Variants in KCNH1 observed in about 807,000 individuals in gnomAD.
The protein encoded by KCNH1 is potassium voltage-gated channel subfamily H member 1, also known as voltage-gated delayed rectifier potassium channel KCNH1.
A neutral mutation model predicts 69.2 loss-of-function variants in KCNH1; 27 were observed. The observed-to-expected ratio is 0.39, with a 90% CI of 0.29 to 0.54. The LOEUF (loss-of-function observed/expected upper bound fraction) is 0.54, where lower values mean the gene tolerates loss of function less well. KCNH1 is among the 20% of genes least tolerant of loss of function. KCNH1 has a pLI of 0.68. For synonymous variants in KCNH1, 456 were observed against 487.7 expected, an observed-to-expected ratio of 0.93 and a Z score of 0.86; for missense variants, 798 against 1,261.6, an observed-to-expected ratio of 0.63 and a Z score of 5.57.
intron 5 of KCNH1, among the ~76,000 whole-genome samples, chr1:211,066,773 T>C (rs1435703325): frequency 6.6e-6 from 1 of 152,202 alleles, no homozygotes; most frequent in Non-Finnish European, 1.5e-5. Context: ...CCAAATAGAC[T>C]GTAACCTTTA....
At chr1:210,806,821 A>AT (rs1558477745) in intron 7 of KCNH1, among the ~76,000 whole-genome samples, 449 of 41,380 alleles carry the variant, frequency 0.011, 18 homozygotes, top group South Asian at 0.031. Context: ...AAAAAAAAAA[A>AT]AAAAAAAAAA....
chr1:210,794,165 G>A (rs1487508005), intron 9 of KCNH1, among the ~76,000 whole-genome samples: 1 of 152,206 alleles, frequency 6.6e-6, no homozygotes, highest in Non-Finnish European at 1.5e-5. Flanking sequence ...CTGAATTTAA[G>A]TTTCCAGGGA....
chr1:210,905,009 C>A (rs1204261438), intron 7 of KCNH1, among the ~76,000 whole-genome samples: 2 of 152,260 alleles, frequency 1.3e-5, no homozygotes, highest in South Asian at 4.2e-4. Context: ...ATCTTGACCT[C>A]CCTCATGACT....
chr1:210,718,175 CATA>C (rs1040872099), intron 10 of KCNH1, among the ~76,000 whole-genome samples: 13 of 145,366 alleles, frequency 8.9e-5, no homozygotes, highest in South Asian at 2.2e-4. Context: ...TTTTATTTAA[CATA>C]ATATGTCCAA....
intron 1 of KCNH1, chr1:211,108,742 C>G (rs1309068111): frequency 1.3e-5 from 2 of 152,202 alleles, no homozygotes; most frequent in African/African-American, 4.8e-5. Context: ...TTAAAAGGAA[C>G]AGAAAATACA....
At chr1:210,885,984 ACTC>A (rs775617069) in intron 7 of KCNH1, among the ~76,000 whole-genome samples, 1 of 151,628 alleles carries the variant, frequency 6.6e-6, no homozygotes, top group Non-Finnish European at 1.5e-5. Context: ...AGACTTAAAC[ACTC>A]CTGCCTGCTG....
At chr1:210,755,742 A>C (rs773164131) in intron 10 of KCNH1, among the ~76,000 whole-genome samples, 8 of 152,114 alleles carry the variant, frequency 5.3e-5, no homozygotes, top group Non-Finnish European at 1.0e-4. Flanking sequence ...TTCTCAGTGC[A>C]CCTTTCTTTC....
intron 7 of KCNH1, chr1:210,859,019 GT>G: frequency 1.7e-6 from 1 of 581,428 alleles, no homozygotes. Flanking sequence ...GCATGATCAG[GT>G]CCCATCTCCT....
intron 5 of KCNH1, among the ~76,000 whole-genome samples, chr1:211,035,578 G>A (rs896015377): frequency 6.6e-6 from 1 of 152,150 alleles, no homozygotes; most frequent in African/African-American, 2.4e-5. Flanking sequence ...CAGGATAAAT[G>A]TGAGACATTC....
At chr1:210,923,123 T>C (rs759631656) in intron 6 of KCNH1, among the ~76,000 whole-genome samples, 1 of 152,194 alleles carries the variant, frequency 6.6e-6, no homozygotes, top group East Asian at 1.9e-4. Flanking sequence ...ACCTGGAATA[T>C]GGAATAGGGA....
intron 7 of KCNH1, among the ~76,000 whole-genome samples, chr1:210,916,049 C>A (rs530453969): frequency 1.3e-5 from 2 of 152,036 alleles, no homozygotes; most frequent in African/African-American, 4.8e-5. Flanking sequence ...GAGACAACAC[C>A]GAGCCTTTGG....
intron 10 of KCNH1, among the ~76,000 whole-genome samples, chr1:210,770,562 C>A (rs1035897357): frequency 6.6e-6 from 1 of 152,196 alleles, no homozygotes; most frequent in African/African-American, 2.4e-5. Context: ...ATAGCATGGC[C>A]GGGTTAACCC....
chr1:211,039,208 C>A (rs762495753), intron 5 of KCNH1, among the ~76,000 whole-genome samples: 1 of 152,240 alleles, frequency 6.6e-6, no homozygotes, highest in African/African-American at 2.4e-5. Flanking sequence ...CAAGCCTTAG[C>A]AGCTTCCACA....
rs534109025 is a variant in KCNH1 at position 210,869,205 on chromosome 1, G to T, written c.1462+50435C>A. On this transcript the variant is annotated intron_variant, in intron 7 of 10. Coordinates refer to ENST00000271751, the MANE Select transcript of KCNH1 (RefSeq NM_172362.3). Reference sequence around the variant, plus strand: ...TTAAAATTTTCTCTTTATCAATTTTGTTCAGTAATTTGATCATGAACTCCT... The same window carrying T: ...TTAAAATTTTCTCTTTATCAATTTTTTTCAGTAATTTGATCATGAACTCCT... 7.2e-5 allele frequency among the ~76,000 whole-genome samples: 11 copies of T among 151,848 alleles called. 1 individual carries two copies. The East Asian group carries it at 1.9e-3, about 27-fold the overall frequency.
chr1:211,077,381 G>A (rs1690755108), intron 5 of KCNH1, among the ~76,000 whole-genome samples: 1 of 152,120 alleles, frequency 6.6e-6, no homozygotes, highest in South Asian at 2.1e-4. Flanking sequence ...CCCACAAAGG[G>A]AAGCCCATCA....
intron 5 of KCNH1, among the ~76,000 whole-genome samples, chr1:211,037,522 A>G (rs1186571664): frequency 7.3e-6 from 1 of 136,944 alleles, no homozygotes; most frequent in Non-Finnish European, 1.5e-5. Context: ...TTTACTGTAC[A>G]CAGACTCTTG....
At chr1:211,116,093 G>T (rs775529278) in intron 1 of KCNH1, among the ~76,000 whole-genome samples, 1 of 152,084 alleles carries the variant, frequency 6.6e-6, no homozygotes, top group Admixed American at 6.5e-5. Flanking sequence ...CTATGAGCAT[G>T]CCACTGCAAT....
At chr1:210,798,531 G>T (rs1684368383) in intron 8 of KCNH1, among the ~76,000 whole-genome samples, 1 of 152,228 alleles carries the variant, frequency 6.6e-6, no homozygotes. Flanking sequence ...GGTGTAATAA[G>T]CCTTGGGTTT....
intron 10 of KCNH1, among the ~76,000 whole-genome samples, chr1:210,697,135 C>T (rs1681662843): frequency 6.6e-6 from 1 of 152,218 alleles, no homozygotes; most frequent in African/African-American, 2.4e-5. Context: ...CAAACTTTGC[C>T]ACCAGGGCTG....
Sources: allele counts gnomAD v4.1 joint callset (sites outside exome capture counted in the v4.1 genomes callset), GRCh38; gene constraint gnomAD v4.1.1; transcripts MANE v1.5; gene names NCBI Gene and HGNC (gene_info 2026-07-23, HGNC 2026-07-21).